GSAP: variants seen among roughly 807,000 people sequenced by gnomAD.
The protein encoded by GSAP is gamma-secretase-activating protein.
GSAP carries 118 observed loss-of-function variants against 131.7 expected under a neutral mutation model. That is an observed-to-expected ratio of 0.90 (90% confidence interval 0.77 to 1.04). The LOEUF is 1.04. Ranked by LOEUF, GSAP falls within the 50% of genes least tolerant of loss-of-function variation. GSAP has a pLI of 0.00. For synonymous variants in GSAP, 381 were observed against 363.4 expected, an observed-to-expected ratio of 1.05 and a Z score of -0.55; for missense variants, 1,019 against 1,013.2, an observed-to-expected ratio of 1.01 and a Z score of -0.08.
chr7:77,330,120 G>C (rs1326257219), intron 20 of GSAP, 119 bp downstream of exon 20: 2 of 1,177,742 alleles, frequency 1.7e-6, no homozygotes, highest in East Asian at 2.6e-5. Context: ...CAATGATCAA[G>C]TCCCTGGCAA....
At chr7:77,343,370 C>T (rs573571545) in intron 19 of GSAP, among the ~76,000 whole-genome samples, 50 of 152,348 alleles carry the variant, frequency 3.3e-4, no homozygotes, top group South Asian at 1.9e-3. Context: ...TGCAAAAGGA[C>T]TACGCATCAA....
At chr7:77,386,414 C>G (rs1271736335) in intron 6 of GSAP, among the ~76,000 whole-genome samples, 1 of 152,152 alleles carries the variant, frequency 6.6e-6, no homozygotes, top group Non-Finnish European at 1.5e-5. Context: ...TCAGGATTGT[C>G]TTTTGGGATT....
chr7:77,326,107 CAAAGAAT>C (rs1298608412), intron 23 of GSAP, 98 bp downstream of exon 23: 1 of 784,962 alleles, frequency 1.3e-6, no homozygotes, highest in Non-Finnish European at 2.1e-6. Flanking sequence ...CATACTTGTG[CAAAGAAT>C]AAAGAATAAG....
intron 3 of GSAP, among the ~76,000 whole-genome samples, chr7:77,402,616 A>AAACAAAAAAAAAAAAAAT (rs375595494): frequency 1.2e-5 from 1 of 80,422 alleles, no homozygotes; most frequent in African/African-American, 3.8e-5. Context: ...AAAAAAAAAA[A>AAACAAAAAAAAAAAAAAT]GAATTTTAAA....
At chr7:77,385,034 CTTT>C (rs1228460297) in intron 6 of GSAP, among the ~76,000 whole-genome samples, 2 of 139,716 alleles carry the variant, frequency 1.4e-5, no homozygotes, top group Non-Finnish European at 1.6e-5. Flanking sequence ...GTACTTCTAA[CTTT>C]TTTTTTTTTT....
Position 77,311,853 on chromosome 7 carries a change from A to G in GSAP, c.2461T>C (p.Ser821Pro), listed in dbSNP as rs772965324. 6.6e-7 allele frequency: 1 copy of G among 1,508,656 alleles called. No individual in the cohort carries two copies. Among genetic ancestry groups the G allele is most frequent in the Admixed American group, 1.7e-5 (1 of 59,858 alleles). The allele number at this position is 1,508,656 out of a possible 1,614,324, so 93.5% of individuals were successfully genotyped here. A position where few individuals can be genotyped will look rare whatever the true frequency, so the allele number is the denominator to read the frequency against. Reference sequence around the variant, plus strand: ...GGGAGTAAATTACCTTGATTGGAGGACTCTATATCTGTCAGAATTTCAATG... The same window carrying G: ...GGGAGTAAATTACCTTGATTGGAGGGCTCTATATCTGTCAGAATTTCAATG... ...YFIEILTDIE[S>P]SNQALYPFEG... Residue 821 changes from serine (S) to proline (P), a missense_variant, in exon 30 of 31, where the codon TCC (serine) becomes CCC (proline). Transcript: ENST00000257626.
intron 6 of GSAP, among the ~76,000 whole-genome samples, chr7:77,383,094 G>A (rs1170993197): frequency 3.3e-5 from 5 of 152,108 alleles, no homozygotes; most frequent in Non-Finnish European, 5.9e-5. Flanking sequence ...GGTTGAAGTG[G>A]GAGGATCACT....
chr7:77,383,297 AT>A (rs1243007306), intron 6 of GSAP, among the ~76,000 whole-genome samples: 1 of 149,346 alleles, frequency 6.7e-6, no homozygotes, highest in Non-Finnish European at 1.5e-5. Flanking sequence ...TGCAAACAAC[AT>A]TTATACAAAA....
At position 77,349,284 on chromosome 7, in the gene GSAP, A is replaced by G. The variant is rs1034457689; in HGVS notation, c.1545+67T>C. 7.3e-5 allele frequency: 93 copies of G among 1,273,566 alleles called. 4 individuals are homozygous for G. In the South Asian group the frequency reaches 1.1e-3, roughly 15 times the overall value. The allele number at this position is 1,273,566 out of a possible 1,614,324, so 78.9% of individuals were successfully genotyped here. On this transcript the variant is annotated intron_variant, in intron 19 of 30. Coordinates refer to ENST00000257626, the MANE Select transcript of GSAP (RefSeq NM_017439.4). ...ATTTGCAATCCCTTTTGGAACCACC[A>G]TAATACTCAGGCAGCAGAGCTTTAG...
At chr7:77,337,301 TGGGG>T (rs34134192) in intron 19 of GSAP, among the ~76,000 whole-genome samples, 5 of 65,702 alleles carry the variant, frequency 7.6e-5, no homozygotes, top group Admixed American at 1.7e-4. Context: ...GGGGGTGGGG[TGGGG>T]GGGGGGTTAC....
At chr7:77,361,032 G>A in intron 13 of GSAP, 131 bp from the exon 14 acceptor site, 1 of 607,722 alleles carries the variant, frequency 1.6e-6, no homozygotes, top group Admixed American at 2.6e-5. Flanking sequence ...CAGACTTCTA[G>A]ATTTCATGGT....
At chr7:77,316,723 C>T (rs17151622) in intron 26 of GSAP, among the ~76,000 whole-genome samples, 16,814 of 152,068 alleles carry the variant, frequency 0.11, 1,121 homozygotes, top group African/African-American at 0.18. Flanking sequence ...TCCTCTATCC[C>T]CAGGGCACAG....
chr7:77,327,036 G>A (rs1361614630), intron 22 of GSAP: 3 of 152,164 alleles, frequency 2.0e-5, no homozygotes, highest in African/African-American at 4.8e-5. Context: ...TTGACCCCCC[G>A]GGATAAATCT....
At chr7:77,351,321 G>A in intron 18 of GSAP, 1 of 881,354 alleles carries the variant, frequency 1.1e-6, no homozygotes, top group Non-Finnish European at 1.3e-6. Context: ...TTATCTATGT[G>A]TAAGGGCATC....
rs1255537451 is a variant in GSAP at position 77,320,924 on chromosome 7, C to A, written c.1995-105G>T. The A allele has an allele frequency of 1.3e-5, 9 of 715,342 alleles. No homozygotes were observed. In the African/African-American group the frequency reaches 1.6e-4, roughly 13 times the overall value. The allele number at this position is 715,342 out of a possible 1,614,324, so 44.3% of individuals were successfully genotyped here. ...GTACTACACAAGGGTTCATGCTAAT[C>A]ATGAAATGCTATGCCTTGTAGAAAG... On this transcript the variant is annotated intron_variant, in intron 25 of 30. Coordinates refer to ENST00000257626, the MANE Select transcript of GSAP (RefSeq NM_017439.4).
rs745570480 is a variant in GSAP, at chr7:77,312,211, C to T, written c.2272-9G>A. On this transcript the variant is annotated splice_polypyrimidine_tract_variant and intron_variant, in intron 28 of 30. Transcript: ENST00000257626. ...ATCTTCTGCCCAATAAGCTATTATG[C>T]AAATTGAAAAAAATGTAGCGAATAC... 3.5e-5 allele frequency: 51 copies of T among 1,454,762 alleles called. No homozygotes were observed. Among genetic ancestry groups the T allele is most frequent in the Non-Finnish European group, 4.7e-5 (50 of 1,066,870 alleles). 90.1% of individuals were successfully genotyped at this position (1,454,762 alleles called of 1,614,324 possible).
At chr7:77,385,438 C>G (rs181537653) in intron 6 of GSAP, among the ~76,000 whole-genome samples, 25 of 152,282 alleles carry the variant, frequency 1.6e-4, no homozygotes, top group South Asian at 4.1e-4. Flanking sequence ...GCAATGTATA[C>G]AACCACTTGC....
intron 1 of GSAP, among the ~76,000 whole-genome samples, chr7:77,412,513 A>C (rs1317582277): frequency 1.3e-5 from 2 of 152,098 alleles, no homozygotes; most frequent in Non-Finnish European, 2.9e-5. Flanking sequence ...TTTAGACTAC[A>C]TTAAAATTAA....
At chr7:77,325,866 C>T (rs1462047095) in intron 23 of GSAP, among the ~76,000 whole-genome samples, 6 of 152,152 alleles carry the variant, frequency 3.9e-5, no homozygotes, top group Non-Finnish European at 5.9e-5. Flanking sequence ...CCACTGTGCC[C>T]GGCCTGTTCT....
Sources: allele counts gnomAD v4.1 joint callset (sites outside exome capture counted in the v4.1 genomes callset), GRCh38; gene constraint gnomAD v4.1.1; transcripts MANE v1.5; gene names NCBI Gene and HGNC (gene_info 2026-07-23, HGNC 2026-07-21).